The following WRNIP1 variants were observed in gnomAD, a reference collection of about 807,000 sequenced individuals.
The protein encoded by WRNIP1 is WRN helicase interacting protein 1.
A neutral mutation model predicts 56.1 loss-of-function variants in WRNIP1; 41 were observed. The ratio of observed to expected loss-of-function variants is 0.73; its 90% CI spans 0.57 to 0.95. WRNIP1 has a LOEUF of 0.95. Ranked by LOEUF, WRNIP1 falls within the 40% of genes least tolerant of loss-of-function variation. The probability of loss-of-function intolerance (pLI) is 0.00; values close to 1 mark genes in which losing one functional copy is unlikely to be tolerated. For missense variants in WRNIP1, 1,170 were observed against 939.4 expected (o/e 1.25, Z -3.21); for synonymous variants, 547 against 398.1 (o/e 1.37, Z -4.45).
At position 2,765,636 on chromosome 6, in the gene WRNIP1, G is replaced by A. The variant is rs762905769; in HGVS notation, c.14G>A (p.Gly5Glu). The change falls in exon 1 of 7, where the codon GGG (glycine) becomes GAG (glutamate). Residue 5 changes from glycine to glutamate, a missense_variant. Transcript: ENST00000380773. MEVS[G>E]PEDDPFLSQL... ...GCGGCGGCCGCCATGGAGGTGAGCG[G>A]GCCGGAAGACGACCCCTTCCTTTCG... 1.2e-5 allele frequency: 19 copies of A among 1,539,656 alleles called. No homozygotes were observed. Among genetic ancestry groups the A allele is most frequent in the Non-Finnish European group, 1.4e-5 (16 of 1,151,734 alleles).
chr6:2,775,304 A>G (rs548625875), intron 3 of WRNIP1, among the ~76,000 whole-genome samples: 2 of 152,326 alleles, frequency 1.3e-5, no homozygotes, highest in South Asian at 4.1e-4. Flanking sequence ...CCTGGGATAC[A>G]TTTTAGAAAC....
At chr6:2,778,008 G>T (rs1200566086) in intron 3 of WRNIP1, among the ~76,000 whole-genome samples, 2 of 152,220 alleles carry the variant, frequency 1.3e-5, no homozygotes, top group Non-Finnish European at 1.5e-5. Context: ...GTAAATATGG[G>T]GGTGAGATGA....
At chr6:2,782,920 G>T (rs1765597789) in intron 4 of WRNIP1, among the ~76,000 whole-genome samples, 1 of 152,168 alleles carries the variant, frequency 6.6e-6, no homozygotes, top group African/African-American at 2.4e-5. Flanking sequence ...ACAGGCTTCG[G>T]ATATCAGAAA....
chr6:2,773,219 G>T (rs62393162), intron 3 of WRNIP1: 17,680 of 985,342 alleles, frequency 0.018, 213 homozygotes, highest in South Asian at 0.068. Context: ...TTATTATTCA[G>T]TCAAAATTGA....
chr6:2,783,588 T>A, intron 5 of WRNIP1, 27 bp downstream of exon 5: 3 of 1,510,802 alleles, frequency 2.0e-6, no homozygotes, highest in Non-Finnish European at 2.7e-6. Context: ...GGTCCCGGAG[T>A]CCTATGTCCA....
chr6:2,775,533 A>G (rs986656959), intron 3 of WRNIP1, among the ~76,000 whole-genome samples: 5 of 152,212 alleles, frequency 3.3e-5, no homozygotes, highest in African/African-American at 4.8e-5. Flanking sequence ...AGCCATGCAT[A>G]TTCTTTCATT....
chr6:2,767,289 C>G lies in WRNIP1; in HGVS notation c.822+845C>G, dbSNP rs150370432. Among the ~76,000 whole-genome samples the G allele has an allele frequency of 6.1e-4, 93 of 152,298 alleles. No individual in the cohort carries two copies. In the Middle Eastern group the frequency reaches 0.017, roughly 28 times the overall value. On this transcript the variant is annotated intron_variant, in intron 1 of 6. Coordinates refer to ENST00000380773, the MANE Select transcript of WRNIP1 (RefSeq NM_020135.3). The stretch of plus-strand genomic sequence containing the variant: ...CTAAGAAGTGCTTAAATACAGGATG[C>G]TTTTATCCATAATAAGGGAGAAGAA...
intron 1 of WRNIP1, among the ~76,000 whole-genome samples, chr6:2,766,836 A>G (rs1765027466): frequency 6.6e-6 from 1 of 150,856 alleles, no homozygotes; most frequent in African/African-American, 2.4e-5. Context: ...ACATTTGTAT[A>G]TTCCGTTTGT....
intron 6 of WRNIP1, among the ~76,000 whole-genome samples, chr6:2,784,642 A>C (rs1051761367): frequency 1.3e-5 from 2 of 152,150 alleles, no homozygotes; most frequent in Admixed American, 1.3e-4. Flanking sequence ...CACATGCTCC[A>C]TATGTTCCAG....
At position 2,765,673 on chromosome 6, in the gene WRNIP1, G is replaced by A; in HGVS notation, c.51G>A (p.Gln17=). ...EDDPFLSQLH[Q]VQCPVCQQMM... ...ACCCCTTCCTTTCGCAGCTGCACCA[G>A]GTGCAGTGCCCCGTGTGCCAGCAGA... Residue 17 remains glutamine, a synonymous_variant, in exon 1 of 7, where the codon CAG becomes CAA. Coordinates refer to ENST00000380773, the MANE Select transcript of WRNIP1 (RefSeq NM_020135.3). 2 of 1,553,082 alleles carry A rather than the reference G, an allele frequency of 1.3e-6. No individual in the cohort carries two copies. Among genetic ancestry groups the A allele is most frequent in the Non-Finnish European group, 1.7e-6 (2 of 1,157,876 alleles).
chr6:2,785,356 A>AGTT lies in WRNIP1; in HGVS notation c.*76_*78dup. Reference sequence around the variant, plus strand: ...CAGAAAGAAAGTTAGTGGATTGCAAAGTTGGTTGCCTGGTGGAAGTTAGAA... The same window carrying AGTT: ...CAGAAAGAAAGTTAGTGGATTGCAAAGTTGTTGGTTGCCTGGTGGAAGTTAGAA... On this transcript the variant is annotated 3_prime_UTR_variant, in exon 7 of 7. Coordinates refer to ENST00000380773, the MANE Select transcript of WRNIP1 (RefSeq NM_020135.3). The AGTT allele has an allele frequency of 6.5e-7, 1 of 1,549,416 alleles. No individual in the cohort carries two copies. The highest frequency in any genetic ancestry group is 8.7e-7 in the Non-Finnish European group (1 of 1,146,742).
rs1765339897 is a variant in WRNIP1, at chr6:2,772,881, ACTAAT to A, written c.1256+2524_1256+2528del. 6.2e-6 allele frequency: 5 copies of A among 806,368 alleles called. No homozygotes were observed. The South Asian group carries it at 2.8e-4, about 46-fold the overall frequency. The allele number at this position is 806,368 out of a possible 1,614,324, so 50.0% of individuals were successfully genotyped here. On this transcript the variant is annotated intron_variant, in intron 3 of 6. Coordinates refer to ENST00000380773, the MANE Select transcript of WRNIP1 (RefSeq NM_020135.3). ...GTGCATATAAATCAGATTTGGTGAC[ACTAAT>A]CTAGTTGAAAGAAAAGACTTCCAAC...
Position 2,770,264 on chromosome 6 carries a change from A to T in WRNIP1, c.1159A>T (p.Thr387Ser), listed in dbSNP as rs145974526. The T allele has an allele frequency of 7.3e-4, 1,179 of 1,614,152 alleles. No homozygotes were observed. The highest frequency in any genetic ancestry group is 9.4e-4 in the Non-Finnish European group (1,113 of 1,180,040). The change falls in exon 3 of 7, where the codon ACT (threonine) becomes TCT (serine). Residue 387 changes from threonine (T) to serine (S), a missense_variant. By Grantham distance (58) the Thr-to-Ser change is moderately conservative. Transcript: ENST00000380773. ...GAAGCTTCCAGTAGAGGCAATGGTGACTATTTTAATGCGAGCGATCAACTC... is the reference window on the plus strand; with the variant it reads ...GAAGCTTCCAGTAGAGGCAATGGTGTCTATTTTAATGCGAGCGATCAACTC... ...LEKLPVEAMV[T>S]ILMRAINSLG...
rs770832912 is a variant in WRNIP1 at position 2,765,759 on chromosome 6, G to C, written c.137G>C (p.Gly46Ala). 6.7e-6 allele frequency: 10 copies of C among 1,486,090 alleles called. No homozygotes were observed. In the Admixed American group the frequency reaches 1.1e-4, roughly 16 times the overall value. The allele number at this position is 1,486,090 out of a possible 1,614,324, so 92.1% of individuals were successfully genotyped here. The change falls in exon 1 of 7, where the codon GGG becomes GCG. Residue 46 changes from glycine (G) to alanine (A), a missense_variant. Transcript: ENST00000380773. ...CGCTGTCTGCTGCTCCACCCGGCGG[G>C]GCACGCGGAGCCCGCGGCCGGGTCG... is the stretch of plus-strand genomic sequence containing the variant. ...LDRCLLLHPA[G>A]HAEPAAGSHR...
chr6:2,775,617 G>A (rs949986036), intron 3 of WRNIP1, among the ~76,000 whole-genome samples: 1 of 152,190 alleles, frequency 6.6e-6, no homozygotes, highest in Non-Finnish European at 1.5e-5. Context: ...TGTCTAAGTA[G>A]TATCCTCCAA....
In WRNIP1 at chr6:2,765,821, C is replaced by A; in HGVS notation, c.199C>A (p.Pro67Thr). The A allele has an allele frequency of 2.3e-5, 31 of 1,356,490 alleles. No homozygotes were observed. The highest frequency in any genetic ancestry group is 2.8e-5 in the Non-Finnish European group (30 of 1,059,562). The allele number at this position is 1,356,490 out of a possible 1,614,324, so 84.0% of individuals were successfully genotyped here. A position where few individuals can be genotyped will look rare whatever the true frequency, so the allele number is the denominator to read the frequency against. ...GGAGCGGGCCAAGGGGCCCTCGCCG[C>A]CCGGCGCCAAGAGGCGGCGGCTGTC... ...AGERAKGPSP[P>T]GAKRRRLSES... The change falls in exon 1 of 7, where the codon CCC (proline) becomes ACC (threonine). Residue 67 changes from proline (P) to threonine (T), a missense_variant. Transcript: ENST00000380773.
At chr6:2,773,084 C>G in intron 3 of WRNIP1, 5 of 985,358 alleles carry the variant, frequency 5.1e-6, no homozygotes, top group South Asian at 4.7e-5. Context: ...ATCAAGCTGC[C>G]GCTTAGCCGT....
chr6:2,766,393 G>C lies in WRNIP1; in HGVS notation c.771G>C (p.Glu257Asp). The C allele has an allele frequency of 1.2e-6, 2 of 1,607,444 alleles. No homozygotes were observed. The highest frequency in any genetic ancestry group is 1.7e-6 in the Non-Finnish European group (2 of 1,177,176). The part of the protein sequence containing the change: ...GQDTLLRSLL[E>D]TNEIPSLILW... ...ATACCCTGCTGCGCTCGCTCCTGGA[G>C]ACCAACGAAATCCCCTCGCTTATCC... The change falls in exon 1 of 7, where the codon GAG (glutamate) becomes GAC (aspartate). Residue 257 changes from glutamate to aspartate, a missense_variant. Transcript: ENST00000380773.
intron 3 of WRNIP1, among the ~76,000 whole-genome samples, chr6:2,770,933 CCCTAT>C (rs1561910797): frequency 6.6e-6 from 1 of 152,126 alleles, no homozygotes; most frequent in Non-Finnish European, 1.5e-5. Context: ...TATAGGCTGT[CCCTAT>C]CCTTTTAGTG....
Sources: allele counts gnomAD v4.1 joint callset (sites outside exome capture counted in the v4.1 genomes callset), GRCh38; gene constraint gnomAD v4.1.1; transcripts MANE v1.5; gene names NCBI Gene and HGNC (gene_info 2026-07-23, HGNC 2026-07-21).